CSMD1: variants seen among roughly 807,000 people sequenced by gnomAD.
CSMD1 encodes the protein CUB and Sushi multiple domains 1.
A neutral mutation model predicts 417.5 loss-of-function variants in CSMD1; 213 were observed. The ratio of observed to expected loss-of-function variants is 0.51; its 90% CI spans 0.46 to 0.57. The LOEUF is 0.57. Ranked by LOEUF, CSMD1 falls within the 20% of genes least tolerant of loss-of-function variation. CSMD1 has a pLI of 0.00. For synonymous variants in CSMD1, 2,862 were observed against 1,736.8 expected, an observed-to-expected ratio of 1.65 and a Z score of -16.11; for missense variants, 6,923 against 4,529.7, an observed-to-expected ratio of 1.53 and a Z score of -15.17.
intron 5 of CSMD1, among the ~76,000 whole-genome samples, chr8:3,953,731 C>T (rs1219349490): frequency 6.6e-6 from 1 of 152,088 alleles, no homozygotes; most frequent in African/African-American, 2.4e-5. Flanking sequence ...AGAAGCTTCC[C>T]CCACAGAGCC....
At chr8:3,880,551 A>G (rs1025014188) in intron 5 of CSMD1, among the ~76,000 whole-genome samples, 9 of 152,224 alleles carry the variant, frequency 5.9e-5, no homozygotes, top group African/African-American at 2.2e-4. Flanking sequence ...AGTGCTTCTC[A>G]GTAGCATTGT....
intron 5 of CSMD1, among the ~76,000 whole-genome samples, chr8:3,807,426 A>ATT (rs34038077): frequency 4.0e-5 from 6 of 151,718 alleles, no homozygotes; most frequent in Admixed American, 2.0e-4. Context: ...GTTTTCTCTG[A>ATT]TTTTTTTTAT....
At chr8:3,647,485 A>T (rs572766667) in intron 7 of CSMD1, among the ~76,000 whole-genome samples, 2 of 152,244 alleles carry the variant, frequency 1.3e-5, no homozygotes, top group Non-Finnish European at 1.5e-5. Flanking sequence ...ATAAAAAGAA[A>T]TATAGCACAG....
chr8:3,080,090 C>T (rs1389851261), intron 49 of CSMD1, among the ~76,000 whole-genome samples: 2 of 152,142 alleles, frequency 1.3e-5, no homozygotes, highest in East Asian at 3.8e-4. Flanking sequence ...AAACAATAGA[C>T]AAACTCCACT....
chr8:3,788,822 C>T (rs906048785), intron 5 of CSMD1, among the ~76,000 whole-genome samples: 1 of 152,160 alleles, frequency 6.6e-6, no homozygotes, highest in Non-Finnish European at 1.5e-5. Context: ...TTATGTATTT[C>T]ATGCAACCTT....
intron 23 of CSMD1, among the ~76,000 whole-genome samples, chr8:3,312,721 C>A (rs1477707838): frequency 6.6e-6 from 1 of 152,286 alleles, no homozygotes; most frequent in Non-Finnish European, 1.5e-5. Flanking sequence ...GCTTAGTCGC[C>A]TGCTAGGGAG....
At chr8:4,227,770 C>A (rs1428531619) in intron 3 of CSMD1, among the ~76,000 whole-genome samples, 1 of 150,568 alleles carries the variant, frequency 6.6e-6, no homozygotes, top group East Asian at 2.0e-4. Context: ...TGCATTCAAT[C>A]CCAAACCAGG....
intron 1 of CSMD1, among the ~76,000 whole-genome samples, chr8:4,825,229 A>G (rs561803748): frequency 1.3e-5 from 2 of 152,240 alleles, no homozygotes; most frequent in East Asian, 1.9e-4. Context: ...CGTTTAATAT[A>G]CATACTTGGA....
intron 3 of CSMD1, among the ~76,000 whole-genome samples, chr8:4,332,011 A>G (rs1799893802): frequency 6.6e-6 from 1 of 152,196 alleles, no homozygotes; most frequent in Non-Finnish European, 1.5e-5. Flanking sequence ...TAATTTACTC[A>G]AACCCACAAA....
intron 13 of CSMD1, among the ~76,000 whole-genome samples, chr8:3,409,109 T>C (rs1812524644): frequency 6.6e-6 from 1 of 152,212 alleles, no homozygotes; most frequent in South Asian, 2.1e-4. Context: ...GTTGCTGTAC[T>C]GATGTCTGAT....
chr8:3,781,168 T>C (rs796080656), intron 5 of CSMD1, among the ~76,000 whole-genome samples: 7 of 152,298 alleles, frequency 4.6e-5, no homozygotes, highest in African/African-American at 1.7e-4. Context: ...AGACAAAGAT[T>C]GGTGATTATT....
intron 1 of CSMD1, among the ~76,000 whole-genome samples, chr8:4,951,453 G>C (rs955810332): frequency 8.6e-5 from 13 of 150,922 alleles, no homozygotes; most frequent in Non-Finnish European, 1.9e-4. Flanking sequence ...GGGAAGGAAG[G>C]AAGGAAAGAA....
At chr8:3,054,841 G>A (rs185236685) in intron 49 of CSMD1, among the ~76,000 whole-genome samples, 1 of 152,166 alleles carries the variant, frequency 6.6e-6, no homozygotes, top group Non-Finnish European at 1.5e-5. Flanking sequence ...AATCATCTTT[G>A]GCTCTGTGGA....
chr8:4,211,531 A>T (rs533900160), intron 3 of CSMD1, among the ~76,000 whole-genome samples: 2 of 152,204 alleles, frequency 1.3e-5, no homozygotes, highest in Non-Finnish European at 2.9e-5. Flanking sequence ...TATCTTTTGT[A>T]TACTTTTGAG....
chr8:4,482,956 C>G (rs1004193629), intron 2 of CSMD1, among the ~76,000 whole-genome samples: 1 of 151,952 alleles, frequency 6.6e-6, no homozygotes, highest in Non-Finnish European at 1.5e-5. Context: ...ATAAAACATG[C>G]AAAAATGAAA....
At chr8:2,976,894 C>CTAAA (rs1804975195) in intron 55 of CSMD1, among the ~76,000 whole-genome samples, 1 of 151,412 alleles carries the variant, frequency 6.6e-6, no homozygotes, top group Non-Finnish European at 1.5e-5. Flanking sequence ...TCTTCATGGT[C>CTAAA]TAAAATACAC....
At chr8:4,698,683 T>C (rs75227310) in intron 1 of CSMD1, among the ~76,000 whole-genome samples, 4,456 of 149,990 alleles carry the variant, frequency 0.03, 224 homozygotes, top group African/African-American at 0.096. Flanking sequence ...GAAGAAGCCC[T>C]CCTCCCTCTG....
At chr8:3,262,013 T>A (rs1801102148) in intron 26 of CSMD1, among the ~76,000 whole-genome samples, 1 of 151,746 alleles carries the variant, frequency 6.6e-6, no homozygotes, top group South Asian at 2.1e-4. Context: ...GGGTAAAGTG[T>A]GCACAGGGTC....
At chr8:4,005,791 G>A (rs566774507) in intron 4 of CSMD1, among the ~76,000 whole-genome samples, 196 of 152,168 alleles carry the variant, frequency 1.3e-3, no homozygotes, top group Non-Finnish European at 2.3e-3. Context: ...ATTAGTGTCA[G>A]AATCTCATTT....
Sources: allele counts gnomAD v4.1 joint callset (sites outside exome capture counted in the v4.1 genomes callset), GRCh38; gene constraint gnomAD v4.1.1; transcripts MANE v1.5; gene names NCBI Gene and HGNC (gene_info 2026-07-23, HGNC 2026-07-21).